Variants in GTF3C5 observed in about 807,000 individuals in gnomAD.
GTF3C5 encodes general transcription factor IIIC subunit 5.
In GTF3C5, 47 loss-of-function variants were observed where a neutral mutation model predicts 61.0. That is an observed-to-expected ratio of 0.77 (90% CI 0.61 to 0.98). GTF3C5 has a LOEUF of 0.98. Ranked by LOEUF, GTF3C5 falls within the 50% of genes least tolerant of loss-of-function variation. GTF3C5 has a pLI of 0.00. For missense variants in GTF3C5, 659 were observed against 703.3 expected (o/e 0.94, Z 0.71); for synonymous variants, 295 against 275.4 (o/e 1.07, Z -0.71).
rs781066927 is a variant in GTF3C5 at position 133,042,223 on chromosome 9, G to T, written c.290G>T (p.Gly97Val). The change falls in exon 2 of 11, where the codon GGG (glycine) becomes GTG (valine). Residue 97 changes from glycine to valine, a missense_variant. Gly to Val is a moderately radical substitution (Grantham distance 109, BLOSUM62 -3). Transcript: ENST00000372097. ...AGGAAGAGAACGAGGCGGCAGAAAGGGGTGCTGGGCACTGAGGCCCACTCC... is the reference window on the plus strand; with the variant it reads ...AGGAAGAGAACGAGGCGGCAGAAAGTGGTGCTGGGCACTGAGGCCCACTCC... The part of the protein sequence containing the change: ...RIRKRTRRQK[G>V]VLGTEAHSEV... The T allele has an allele frequency of 2.5e-5, 41 of 1,613,846 alleles. No individual in the cohort carries two copies. Among genetic ancestry groups the T allele is most frequent in the Non-Finnish European group, 3.1e-5 (36 of 1,179,798 alleles).
chr9:133,038,490 G>A (rs1194542118), intron 1 of GTF3C5, among the ~76,000 whole-genome samples: 183 of 145,504 alleles, frequency 1.3e-3, no homozygotes, highest in African/African-American at 4.5e-3. Flanking sequence ...TGGCTCCGTC[G>A]CCCAGGCTGG....
rs1829954230 is a variant in GTF3C5 at position 133,056,860 on chromosome 9, GAC to G, written c.1348_1349del (p.Thr450HisfsTer24). ...CLPKTSDELR[D>X]TMSLMIRQTI... ...CCCCAAGACCAGCGACGAGCTCAGG[GAC>G]ACCATGTCCCTCATGATCCGGCAGA... On this transcript the variant is annotated frameshift_variant, in exon 10 of 11. Coordinates refer to ENST00000372097, the MANE Select transcript of GTF3C5 (RefSeq NM_012087.4). LOFTEE classifies it high-confidence loss of function. 2.5e-6 allele frequency: 4 copies of G among 1,611,164 alleles called. No individual in the cohort carries two copies. The highest frequency in any genetic ancestry group is 1.7e-6 in the Non-Finnish European group (2 of 1,178,704).
At chr9:133,048,226 G>A (rs953720443) in intron 3 of GTF3C5, among the ~76,000 whole-genome samples, 40 of 152,130 alleles carry the variant, frequency 2.6e-4, no homozygotes, top group African/African-American at 8.9e-4. Flanking sequence ...GACTGGGCAC[G>A]GTGGCTCACA....
chr9:133,043,958 C>G (rs1442234062), intron 3 of GTF3C5, 32 bp downstream of exon 3: 2 of 1,541,434 alleles, frequency 1.3e-6, no homozygotes, highest in African/African-American at 2.7e-5. Context: ...CCTCGGTTCT[C>G]TATCCTGAAA....
chr9:133,048,990 G>C (rs548580661), intron 3 of GTF3C5, among the ~76,000 whole-genome samples: 9 of 152,356 alleles, frequency 5.9e-5, no homozygotes, highest in African/African-American at 1.9e-4. Context: ...TTCCTGGGGA[G>C]ATTGAGCTTC....
At chr9:133,053,783 TG>T in intron 5 of GTF3C5, 44 bp from the exon 6 acceptor site, 3 of 1,287,058 alleles carry the variant, frequency 2.3e-6, no homozygotes, top group South Asian at 1.2e-5. Context: ...TCCAGGGACC[TG>T]GGCCTTCACC....
chr9:133,046,910 G>A (rs1316888849), intron 3 of GTF3C5, among the ~76,000 whole-genome samples: 1 of 152,166 alleles, frequency 6.6e-6, no homozygotes, highest in Non-Finnish European at 1.5e-5. Flanking sequence ...GCCAGAGAAT[G>A]GGGGTGGGGA....
At chr9:133,051,502 T>C (rs1850375286) in intron 4 of GTF3C5, among the ~76,000 whole-genome samples, 1 of 152,220 alleles carries the variant, frequency 6.6e-6, no homozygotes, top group African/African-American at 2.4e-5. Context: ...GGATGTCTTG[T>C]TGATTTCCAG....
intron 1 of GTF3C5, among the ~76,000 whole-genome samples, chr9:133,033,780 G>A (rs1053890928): frequency 2.0e-5 from 3 of 152,134 alleles, no homozygotes; most frequent in Non-Finnish European, 2.9e-5. Flanking sequence ...TTTAAAGTGC[G>A]GACAGAATAT....
At position 133,057,902 on chromosome 9, in the gene GTF3C5, G is replaced by GGAAGAGGAGGAGGAGGAA; in HGVS notation, c.1499_1500insAGAAGAGGAGGAGGAGGA (p.Glu494_Glu499dup). ...AAGACGAGGAGGATGAGGAGGAGGA[G>GGAAGAGGAGGAGGAGGAA]GAAGAGGAGGAGGAGGACTTCAAGC... On this transcript the variant is annotated inframe_insertion, in exon 11 of 11. Coordinates refer to ENST00000372097, the MANE Select transcript of GTF3C5 (RefSeq NM_012087.4). 2 of 1,613,626 alleles carry GGAAGAGGAGGAGGAGGAA rather than the reference G, an allele frequency of 1.2e-6. No homozygotes were observed. The highest frequency in any genetic ancestry group is 1.7e-6 in the Non-Finnish European group (2 of 1,179,722).
At chr9:133,040,513 C>T (rs995236043) in intron 1 of GTF3C5, among the ~76,000 whole-genome samples, 1 of 152,100 alleles carries the variant, frequency 6.6e-6, no homozygotes, top group African/African-American at 2.4e-5. Context: ...TCATAACAGT[C>T]GTATGACATA....
Position 133,053,078 on chromosome 9 carries a change from G to C in GTF3C5, c.874-750G>C, listed in dbSNP as rs147187381. 7.6e-3 allele frequency among the ~76,000 whole-genome samples: 1,159 copies of C among 152,280 alleles called. 11 individuals are homozygous for C. Among genetic ancestry groups the C allele is most frequent in the Middle Eastern group, 0.027 (8 of 294 alleles). ...TGGTCTCGAACTCCTAACCTCAAGT[G>C]ATCTGCCTGTCTCGGTCTCCCAAAA... On this transcript the variant is annotated intron_variant, in intron 5 of 10. Transcript: ENST00000372097.
At chr9:133,055,159 C>A (rs1484524738) in intron 8 of GTF3C5, 2 of 1,543,168 alleles carry the variant, frequency 1.3e-6, no homozygotes, top group Non-Finnish European at 8.7e-7. Context: ...CACAGGAGGA[C>A]AGAGCCAGAG....
intron 8 of GTF3C5, chr9:133,055,167 G>C: frequency 6.5e-7 from 1 of 1,541,938 alleles, no homozygotes; most frequent in Non-Finnish European, 8.7e-7. Flanking sequence ...GACAGAGCCA[G>C]AGCAGGCCAT....
chr9:133,037,482 T>A (rs1019142299), intron 1 of GTF3C5, among the ~76,000 whole-genome samples: 1 of 152,168 alleles, frequency 6.6e-6, no homozygotes, highest in African/African-American at 2.4e-5. Flanking sequence ...TGCTTCCTTC[T>A]TACTATTTCC....
At chr9:133,046,589 G>C (rs975514135) in intron 3 of GTF3C5, among the ~76,000 whole-genome samples, 3 of 152,170 alleles carry the variant, frequency 2.0e-5, no homozygotes, top group Non-Finnish European at 4.4e-5. Flanking sequence ...GAGCACCTGT[G>C]GTGGCCCAGG....
chr9:133,053,025 A>C (rs1211089357), intron 5 of GTF3C5, among the ~76,000 whole-genome samples: 1 of 151,894 alleles, frequency 6.6e-6, no homozygotes, highest in Admixed American at 6.6e-5. Flanking sequence ...TTTTTAGTAG[A>C]GATGGGGTTT....
At chr9:133,038,487 G>A (rs1165358339) in intron 1 of GTF3C5, among the ~76,000 whole-genome samples, 2 of 144,792 alleles carry the variant, frequency 1.4e-5, no homozygotes, top group South Asian at 4.4e-4. Context: ...GTCTGGCTCC[G>A]TCGCCCAGGC....
chr9:133,044,979 CAG>C (rs1439079517), intron 3 of GTF3C5, among the ~76,000 whole-genome samples: 4 of 151,482 alleles, frequency 2.6e-5, no homozygotes, highest in Non-Finnish European at 5.9e-5. Flanking sequence ...TTCTGTAACT[CAG>C]AGGTTCTTGA....
Sources: gnomAD v4.1 joint callset for allele counts (sites outside exome capture counted in the v4.1 genomes callset) on GRCh38, gnomAD v4.1.1 for gene constraint, MANE v1.5 for transcripts, NCBI Gene and HGNC (gene_info 2026-07-23, HGNC 2026-07-21) for gene names.